The following SLC36A1 variants were observed in gnomAD, a reference collection of about 807,000 sequenced individuals.
SLC36A1 encodes proton-coupled amino acid transporter 1.
SLC36A1 carries 30 observed loss-of-function variants against 47.5 expected under a neutral mutation model. That is an observed-to-expected ratio of 0.63 (90% CI 0.47 to 0.86). SLC36A1 has a LOEUF of 0.86. Ranked by LOEUF, SLC36A1 falls within the 40% of genes least tolerant of loss-of-function variation. SLC36A1 has a pLI of 0.00. For missense variants in SLC36A1, 517 were observed against 606.0 expected, an observed-to-expected ratio of 0.85 and a Z score of 1.54; for synonymous variants, 255 against 249.7, an observed-to-expected ratio of 1.02 and a Z score of -0.20.
At chr5:151,517,237 T>G in the SLC36A1 span, among the ~76,000 whole-genome samples, 1 of 152,256 alleles carries the variant, frequency 6.6e-6, no homozygotes, top group South Asian at 2.1e-4. Flanking sequence ...AGGAAATTTA[T>G]TTTTCTTCCA....
chr5:151,373,262 G>A, the SLC36A1 span, among the ~76,000 whole-genome samples: 16 of 151,352 alleles, frequency 1.1e-4, no homozygotes, highest in African/African-American at 2.2e-4. Flanking sequence ...ATGAGACCTC[G>A]TCTAAAAAAA....
At chr5:151,553,191 C>T in the SLC36A1 span, 1 of 1,614,252 alleles carries the variant, frequency 6.2e-7, no homozygotes, top group East Asian at 2.2e-5. Context: ...GATGTTGAAC[C>T]AGAAGAGTCC....
chr5:151,546,173 G>A, the SLC36A1 span: 2 of 1,614,156 alleles, frequency 1.2e-6, no homozygotes, highest in Non-Finnish European at 1.7e-6. Flanking sequence ...CTATCTGAGG[G>A]ATAGACATGA....
chr5:151,379,289 G>A, the SLC36A1 span, among the ~76,000 whole-genome samples: 128 of 152,280 alleles, frequency 8.4e-4, no homozygotes, highest in African/African-American at 3.0e-3. Context: ...CCAAGTAGGC[G>A]ATGTTTTTTT....
chr5:151,423,624 G>T, the SLC36A1 span, among the ~76,000 whole-genome samples: 1 of 152,238 alleles, frequency 6.6e-6, no homozygotes, highest in Non-Finnish European at 1.5e-5. Context: ...GTGGTGGCCA[G>T]GGGTTGTGGG....
In SLC36A1 at chr5:151,488,115, C is replaced by T. The variant is rs1326946833; in HGVS notation, c.1292C>T (p.Pro431Leu). The stretch of plus-strand genomic sequence containing the variant: ...ACCTTCTACTCAGAGGGCATGAGCC[C>T]CCTCACCATCTTTAAGGACGCCCTG... ...VTTFYSEGMS[P>L]LTIFKDALIS... Residue 431 changes from proline to leucine, a missense_variant, in exon 11 of 11, where the codon CCC (proline) becomes CTC (leucine). Pro to Leu is a moderately conservative substitution (Grantham distance 98). Coordinates refer to ENST00000243389, the MANE Select transcript of SLC36A1 (RefSeq NM_078483.4). 6.2e-7 allele frequency: 1 copy of T among 1,614,060 alleles called. No individual in the cohort carries two copies.
At chr5:151,543,094 C>T in the SLC36A1 span, 24 of 1,613,992 alleles carry the variant, frequency 1.5e-5, no homozygotes, top group East Asian at 2.7e-4. Context: ...CACCTGAAGT[C>T]GTACTGGCAC....
chr5:151,533,400 AC>A, the SLC36A1 span, among the ~76,000 whole-genome samples: 1 of 124,066 alleles, frequency 8.1e-6, no homozygotes, highest in Admixed American at 7.5e-5. Flanking sequence ...TCCAACACAC[AC>A]ACACACACAC....
chr5:151,500,963 G>A, the SLC36A1 span, among the ~76,000 whole-genome samples: 990 of 152,336 alleles, frequency 6.5e-3, 15 homozygotes, highest in African/African-American at 0.023. Context: ...GGCGGGGCCT[G>A]GTGGGGAGAG....
At chr5:151,468,222 G>A (rs181548) in intron 7 of SLC36A1, among the ~76,000 whole-genome samples, 41,524 of 114,358 alleles carry the variant, frequency 0.36, 7,481 homozygotes, top group East Asian at 0.46. Context: ...ACTGCACTCC[G>A]ACCTGGGCAA....
At chr5:151,504,575 G>A in the SLC36A1 span, 3 of 152,684 alleles carry the variant, frequency 2.0e-5, no homozygotes, top group African/African-American at 4.8e-5. Context: ...CTGCGGTCCA[G>A]CTCCCTGCTT....
downstream of SLC36A1, among the ~76,000 whole-genome samples, chr5:151,493,017 T>C (rs924642738): frequency 6.6e-6 from 1 of 152,210 alleles, no homozygotes; most frequent in Non-Finnish European, 1.5e-5. Context: ...CACATATGTG[T>C]GTGTGTGTGT....
the SLC36A1 span, among the ~76,000 whole-genome samples, chr5:151,351,121 T>G: frequency 6.6e-6 from 1 of 152,182 alleles, no homozygotes; most frequent in Non-Finnish European, 1.5e-5. Context: ...TCACAGTCAG[T>G]GCCCAGAGAG....
chr5:151,531,929 C>T, the SLC36A1 span: 24 of 1,614,202 alleles, frequency 1.5e-5, no homozygotes, highest in Non-Finnish European at 1.7e-5. The surrounding 1 kb of genome is among the most constrained non-coding windows in gnomAD (Gnocchi z 5.7). Flanking sequence ...AAGTGGCCTT[C>T]GGCTGAATCC....
downstream of SLC36A1, among the ~76,000 whole-genome samples, chr5:151,497,207 A>C (rs546304638): frequency 1.7e-3 from 252 of 152,342 alleles, no homozygotes; most frequent in South Asian, 4.1e-3. Context: ...TTGTAGGGAA[A>C]GCATTCAGTC....
the SLC36A1 span, among the ~76,000 whole-genome samples, chr5:151,390,653 T>C: frequency 1.3e-5 from 2 of 152,236 alleles, no homozygotes; most frequent in Non-Finnish European, 2.9e-5. Flanking sequence ...GCACCATTTA[T>C]TAAACAGGGA....
At chr5:151,408,999 CT>C in the SLC36A1 span, among the ~76,000 whole-genome samples, 54,909 of 140,342 alleles carry the variant, frequency 0.39, 10,055 homozygotes, top group South Asian at 0.44. Flanking sequence ...TTTCTTTCCT[CT>C]TTTTTTTTTT....
At chr5:151,386,760 A>G in the SLC36A1 span, among the ~76,000 whole-genome samples, 1 of 152,170 alleles carries the variant, frequency 6.6e-6, no homozygotes, top group Non-Finnish European at 1.5e-5. Context: ...CACTGACTTC[A>G]GTCTCAGGCT....
intron 1 of SLC36A1, among the ~76,000 whole-genome samples, chr5:151,457,857 T>TTTG (rs1554109792): frequency 6.6e-6 from 1 of 151,382 alleles, no homozygotes; most frequent in Admixed American, 6.6e-5. Context: ...TTTGTTTGTT[T>TTTG]TTTTTTTTGA....
Sources: allele counts gnomAD v4.1 joint callset (sites outside exome capture counted in the v4.1 genomes callset), GRCh38; gene constraint gnomAD v4.1.1; non-coding constraint Gnocchi (gnomAD v3.1); transcripts MANE v1.5; gene names NCBI Gene and HGNC (gene_info 2026-07-23, HGNC 2026-07-21).